Variants in PTPRD observed in about 807,000 individuals in gnomAD.
The protein encoded by PTPRD is protein tyrosine phosphatase receptor type D, also known as receptor-type tyrosine-protein phosphatase delta.
Under a neutral mutation model 214.5 loss-of-function variants are expected in PTPRD, and 34 were observed. The ratio of observed to expected loss-of-function variants is 0.16; its 90% CI spans 0.12 to 0.21. PTPRD has a LOEUF of 0.21. Ranked by LOEUF, PTPRD falls within the 10% of genes least tolerant of loss-of-function variation. The probability of loss-of-function intolerance (pLI) is 1.00; values close to 1 mark genes in which losing one functional copy is unlikely to be tolerated. For synonymous variants in PTPRD, 1,128 were observed against 845.7 expected (o/e 1.33, Z -5.79); for missense variants, 2,545 against 2,398.7 (o/e 1.06, Z -1.27).
chr9:10,236,512 C>G (rs1270182886), intron 3 of PTPRD, among the ~76,000 whole-genome samples: 1 of 151,878 alleles, frequency 6.6e-6, no homozygotes, highest in Non-Finnish European at 1.5e-5. Flanking sequence ...CCGCAGTTTT[C>G]TTAATTGCAT....
intron 11 of PTPRD, chr9:8,962,220 G>C (rs534269084): frequency 6.6e-6 from 1 of 152,200 alleles, no homozygotes; most frequent in East Asian, 1.9e-4. Flanking sequence ...TAATTACTTG[G>C]TGAGAACAAG....
chr9:10,401,518 A>G (rs546812493), intron 2 of PTPRD, among the ~76,000 whole-genome samples: 24 of 151,062 alleles, frequency 1.6e-4, no homozygotes, highest in African/African-American at 3.9e-4. Flanking sequence ...CACAGTATGT[A>G]AACAGGTATA....
At chr9:9,557,886 T>C (rs2081930583) in intron 8 of PTPRD, among the ~76,000 whole-genome samples, 1 of 152,206 alleles carries the variant, frequency 6.6e-6, no homozygotes, top group African/African-American at 2.4e-5. Flanking sequence ...AATATGGTTT[T>C]ATTCAGCGGC....
chr9:9,083,553 G>A (rs2099762312), intron 10 of PTPRD, among the ~76,000 whole-genome samples: 1 of 152,010 alleles, frequency 6.6e-6, no homozygotes, highest in Non-Finnish European at 1.5e-5. Flanking sequence ...TTGACAGATG[G>A]GATCTAATTA....
At chr9:9,996,615 A>G (rs993367213) in intron 4 of PTPRD, among the ~76,000 whole-genome samples, 1 of 152,184 alleles carries the variant, frequency 6.6e-6, no homozygotes, top group Non-Finnish European at 1.5e-5. Flanking sequence ...CTGCCTTGCT[A>G]AGTATTGAAG....
intron 7 of PTPRD, among the ~76,000 whole-genome samples, chr9:9,683,759 G>A (rs1436803089): frequency 2.0e-5 from 3 of 151,672 alleles, no homozygotes; most frequent in African/African-American, 4.8e-5. Flanking sequence ...TATTAAAATA[G>A]CATTGTGAGA....
intron 9 of PTPRD, among the ~76,000 whole-genome samples, chr9:9,326,907 C>A (rs1174863078): frequency 6.6e-6 from 1 of 152,142 alleles, no homozygotes; most frequent in African/African-American, 2.4e-5. Flanking sequence ...GTCCCAGAAG[C>A]TAATTACCTA....
intron 3 of PTPRD, among the ~76,000 whole-genome samples, chr9:10,306,127 A>G (rs1321901095): frequency 6.6e-6 from 1 of 152,052 alleles, no homozygotes; most frequent in African/African-American, 2.4e-5. Flanking sequence ...TTGCAGGGAC[A>G]TGGATGAAGC....
intron 2 of PTPRD, among the ~76,000 whole-genome samples, chr9:10,463,884 C>G (rs1420575725): frequency 6.6e-6 from 1 of 151,932 alleles, no homozygotes; most frequent in African/African-American, 2.4e-5. Flanking sequence ...AATTTACCAT[C>G]AAAATACCCC....
chr9:9,921,507 G>C (rs930756553), intron 5 of PTPRD, among the ~76,000 whole-genome samples: 1 of 151,550 alleles, frequency 6.6e-6, no homozygotes, highest in Non-Finnish European at 1.5e-5. Flanking sequence ...TTAATATATA[G>C]ATTAAGAAAG....
intron 3 of PTPRD, among the ~76,000 whole-genome samples, chr9:10,155,194 C>T (rs969349419): frequency 1.3e-5 from 2 of 151,898 alleles, no homozygotes; most frequent in Non-Finnish European, 2.9e-5. Flanking sequence ...AGGTATTTTA[C>T]TCTTTTTGTG....
At chr9:9,247,908 A>T (rs1032882861) in intron 9 of PTPRD, among the ~76,000 whole-genome samples, 1 of 151,936 alleles carries the variant, frequency 6.6e-6, no homozygotes, top group Non-Finnish European at 1.5e-5. Flanking sequence ...CTCACTTATT[A>T]CTCTCAGCTT....
intron 12 of PTPRD, among the ~76,000 whole-genome samples, chr9:8,729,067 CT>C (rs963071258): frequency 9.2e-5 from 14 of 152,172 alleles, no homozygotes; most frequent in African/African-American, 3.1e-4. Flanking sequence ...AGCTCACCCC[CT>C]ACCTTCAGCT....
chr9:10,470,384 T>C (rs1416503445), intron 2 of PTPRD, among the ~76,000 whole-genome samples: 2 of 152,184 alleles, frequency 1.3e-5, no homozygotes, highest in Non-Finnish European at 2.9e-5. Flanking sequence ...GATAAAATTA[T>C]CATAGTAAAT....
intron 8 of PTPRD, among the ~76,000 whole-genome samples, chr9:9,558,002 C>T (rs191696362): frequency 1.5e-4 from 23 of 152,358 alleles, no homozygotes; most frequent in Middle Eastern, 6.8e-3. Context: ...ATGCACAGCA[C>T]ACAGCCAGCT....
intron 2 of PTPRD, among the ~76,000 whole-genome samples, chr9:10,482,270 C>CTG (rs2099104653): frequency 6.6e-6 from 1 of 151,892 alleles, no homozygotes; most frequent in South Asian, 2.1e-4. Flanking sequence ...ACTGAGGAGG[C>CTG]TGAGGCAGGA....
At chr9:9,089,279 T>G (rs113509358) in intron 10 of PTPRD, among the ~76,000 whole-genome samples, 1 of 152,134 alleles carries the variant, frequency 6.6e-6, no homozygotes, top group Non-Finnish European at 1.5e-5. Context: ...AAATAATAGG[T>G]AAAGAAATAA....
At chr9:10,588,355 T>C (rs1244820853) in intron 2 of PTPRD, among the ~76,000 whole-genome samples, 1 of 151,754 alleles carries the variant, frequency 6.6e-6, no homozygotes, top group Non-Finnish European at 1.5e-5. Context: ...TTAGTAACTA[T>C]CTTACAAACT....
chr9:10,067,285 T>C (rs1449526419), intron 3 of PTPRD, among the ~76,000 whole-genome samples: 4 of 151,968 alleles, frequency 2.6e-5, no homozygotes, highest in Non-Finnish European at 4.4e-5. Flanking sequence ...CTGGATTTGA[T>C]ATTTTACTGT....
Sources: gnomAD v4.1 joint callset for allele counts (sites outside exome capture counted in the v4.1 genomes callset) on GRCh38, gnomAD v4.1.1 for gene constraint, MANE v1.5 for transcripts, NCBI Gene and HGNC (gene_info 2026-07-23, HGNC 2026-07-21) for gene names.